Variants in PXK observed in about 807,000 individuals in gnomAD.
PXK encodes PX domain-containing protein kinase-like protein.
Under a neutral mutation model 84.7 loss-of-function variants are expected in PXK, and 35 were observed. The ratio of observed to expected loss-of-function variants is 0.41; its 90% CI spans 0.32 to 0.55. PXK has a LOEUF of 0.55. PXK is among the 20% of genes least tolerant of loss of function. PXK has a pLI of 0.21. For synonymous variants in PXK, 253 were observed against 260.8 expected, an observed-to-expected ratio of 0.97 and a Z score of 0.29; for missense variants, 634 against 699.7, an observed-to-expected ratio of 0.91 and a Z score of 1.06.
intron 3 of PXK, 30 bp downstream of exon 3, chr3:58,369,508 A>G (rs752606274): frequency 6.4e-7 from 1 of 1,571,842 alleles, no homozygotes. Flanking sequence ...AATTACACAC[A>G]TTGATTACTT....
intron 4 of PXK, among the ~76,000 whole-genome samples, chr3:58,386,868 C>T (rs1423419648): frequency 6.6e-6 from 1 of 152,144 alleles, no homozygotes; most frequent in Non-Finnish European, 1.5e-5. Flanking sequence ...CCCTTTTAGG[C>T]CTAAAGCCCC....
At chr3:58,406,076 T>TCTC (rs61521000) in intron 13 of PXK, among the ~76,000 whole-genome samples, 44,819 of 151,634 alleles carry the variant, frequency 0.3, 7,331 homozygotes, top group Middle Eastern at 0.39. Context: ...TTCAAGCAAT[T>TCTC]CTGCTTCAGC....
intron 1 of PXK, among the ~76,000 whole-genome samples, chr3:58,337,602 T>G (rs1306546949): frequency 1.3e-5 from 2 of 152,162 alleles, no homozygotes; most frequent in Non-Finnish European, 2.9e-5. Context: ...CCTGAGTAGC[T>G]GGGACTATAG....
At chr3:58,422,004 C>T (rs376220727) in intron 17 of PXK, 3 of 985,332 alleles carry the variant, frequency 3.0e-6, no homozygotes, top group East Asian at 1.1e-4. Flanking sequence ...GGGTGGAGAG[C>T]GCGCAGGCAG....
chr3:58,357,941 G>T (rs143739652), intron 1 of PXK, among the ~76,000 whole-genome samples: 2,119 of 151,566 alleles, frequency 0.014, 63 homozygotes, highest in African/African-American at 0.048. Context: ...CTCCAGCCTG[G>T]GTGACAAAGT....
Position 58,399,376 on chromosome 3 carries a change from C to G in PXK, c.1180C>G (p.Pro394Ala). 6.2e-7 allele frequency: 1 copy of G among 1,611,776 alleles called. No homozygotes were observed. Among genetic ancestry groups the G allele is most frequent in the African/African-American group, 1.3e-5 (1 of 74,972 alleles). ...MPTISRLLQM[P>A]LFSDVLLTTS... The stretch of plus-strand genomic sequence containing the variant: ...TACCATCTCCCGGCTCTTACAGATG[C>G]CGTAAGTCAATCATATGCGTTGGTT... Residue 394 changes from proline (P) to alanine (A), a missense_variant and splice_region_variant, in exon 12 of 18, where the codon CCA becomes GCA. Around this residue, in one of 3 missense-constraint regions of PXK, gnomAD observed 273 missense variants for 283.6 expected, o/e 0.96. Transcript: ENST00000356151. This position sits in a 1 kb window ranked among gnomAD's most constrained non-coding sequence, Gnocchi z 4.3.
At chr3:58,408,432 A>G (rs1025537065) in intron 13 of PXK, among the ~76,000 whole-genome samples, 8 of 152,226 alleles carry the variant, frequency 5.3e-5, no homozygotes, top group Non-Finnish European at 1.0e-4. Flanking sequence ...TCATTGCTAA[A>G]AAATGCTAGA....
At chr3:58,394,381 A>G (rs1347740979) in intron 7 of PXK, among the ~76,000 whole-genome samples, 1 of 152,200 alleles carries the variant, frequency 6.6e-6, no homozygotes, top group Non-Finnish European at 1.5e-5. Flanking sequence ...CAGTTTCTCC[A>G]TCTGAGGAGG....
chr3:58,350,554 G>C (rs937528068), intron 1 of PXK, among the ~76,000 whole-genome samples: 1 of 152,198 alleles, frequency 6.6e-6, no homozygotes. Context: ...GGTAGGAACC[G>C]CTGTGCCCCT....
chr3:58,392,440 G>T (rs778267736), intron 7 of PXK, among the ~76,000 whole-genome samples: 15 of 152,146 alleles, frequency 9.9e-5, no homozygotes, highest in Admixed American at 2.6e-4. Flanking sequence ...TCTTTATCTT[G>T]TCTGCATGAA....
At chr3:58,356,098 C>T (rs1029333694) in intron 1 of PXK, among the ~76,000 whole-genome samples, 4 of 152,232 alleles carry the variant, frequency 2.6e-5, no homozygotes, top group Non-Finnish European at 4.4e-5. Context: ...TCCTCCCTCA[C>T]TTAAGTCAGA....
At position 58,395,758 on chromosome 3, in the gene PXK, A is replaced by G. The variant is rs1279093153; in HGVS notation, c.821A>G (p.Glu274Gly). The G allele has an allele frequency of 6.3e-7, 1 of 1,599,984 alleles. No homozygotes were observed. The highest frequency in any genetic ancestry group is 1.7e-5 in the Admixed American group (1 of 59,456). Residue 274 changes from glutamate to glycine, a missense_variant and splice_region_variant, in exon 9 of 18, where the codon GAG becomes GGG. Transcript: ENST00000356151. ...QIKTYGRQIL[E>G]VLKFLHDKGF... is the part of the protein sequence containing the mutation. Reference sequence around the variant, plus strand: ...AAAACATATGGACGGCAAATATTAGAGGTAAGAGGTACTTTTGTTTAAGTT... The same window carrying G: ...AAAACATATGGACGGCAAATATTAGGGGTAAGAGGTACTTTTGTTTAAGTT...
At chr3:58,420,903 G>A (rs2061725510) in intron 17 of PXK, 1 of 1,127,496 alleles carries the variant, frequency 8.9e-7, no homozygotes, top group Non-Finnish European at 1.1e-6. Flanking sequence ...TCCCGTTGCT[G>A]CAAAAATGTT....
intron 1 of PXK, among the ~76,000 whole-genome samples, chr3:58,362,033 A>C (rs943627619): frequency 6.6e-6 from 1 of 152,158 alleles, no homozygotes; most frequent in Non-Finnish European, 1.5e-5. Context: ...TATTTAAGCC[A>C]TTCTGATAGG....
rs2107901684 is a variant in PXK at position 58,424,804 on chromosome 3, C to T, written c.1581C>T (p.Pro527=). 3 of 1,614,178 alleles carry T rather than the reference C, an allele frequency of 1.9e-6. No homozygotes were observed. Among genetic ancestry groups the T allele is most frequent in the Middle Eastern group, 3.3e-4 (2 of 6,062 alleles). The change falls in exon 18 of 18, where the codon CCC becomes CCT. Residue 527 remains proline (P), a synonymous_variant. Coordinates refer to ENST00000356151, the MANE Select transcript of PXK (RefSeq NM_017771.5). The stretch of plus-strand genomic sequence containing the variant: ...CACCTCCACCACCACCAGCAGCTCC[C>T]TTGCCTCCTGCGAGCACCGAGGCAC... ...PPPPPPPPAA[P]LPPASTEAPA...
intron 1 of PXK, among the ~76,000 whole-genome samples, chr3:58,358,997 C>T (rs545617054): frequency 9.9e-5 from 15 of 152,026 alleles, no homozygotes; most frequent in Non-Finnish European, 2.1e-4. Context: ...GTACCTTTTT[C>T]GTCAGAATGC....
At position 58,385,445 on chromosome 3, in the gene PXK, C is replaced by T. The variant is rs989181415; in HGVS notation, c.388+2745C>T. Among the ~76,000 whole-genome samples the T allele has an allele frequency of 5.3e-5, 8 of 152,176 alleles. No homozygotes were observed. The highest frequency in any genetic ancestry group is 7.3e-5 in the Non-Finnish European group (5 of 68,040). On this transcript the variant is annotated intron_variant, in intron 4 of 17. Transcript: ENST00000356151. This position sits in a 1 kb window ranked among gnomAD's most constrained non-coding sequence, Gnocchi z 5.1. ...TTCCTGAGATTCACAGCATGGCCCA[C>T]GGAACATACCCTGCACGCCTCTCAC...
chr3:58,345,665 A>C (rs2097801976), intron 1 of PXK, among the ~76,000 whole-genome samples: 1 of 152,356 alleles, frequency 6.6e-6, no homozygotes, highest in Non-Finnish European at 1.5e-5. Flanking sequence ...AAAAACTGTG[A>C]TAAACCAACT....
At chr3:58,339,276 G>A (rs2097685643) in intron 1 of PXK, among the ~76,000 whole-genome samples, 1 of 150,768 alleles carries the variant, frequency 6.6e-6, no homozygotes, top group South Asian at 2.1e-4. Context: ...TGTTGCCCAG[G>A]CTGGAGTATA....
Sources: gnomAD v4.1 joint callset for allele counts (sites outside exome capture counted in the v4.1 genomes callset) on GRCh38, gnomAD v4.1.1 for gene constraint, gnomAD v4.1.1 regional missense constraint, Gnocchi (gnomAD v3.1) non-coding constraint, MANE v1.5 for transcripts, NCBI Gene and HGNC (gene_info 2026-07-23, HGNC 2026-07-21) for gene names.